RBM26: variants seen among roughly 807,000 people sequenced by gnomAD.
The protein encoded by RBM26 is RNA binding motif protein 26, also known as RNA-binding protein 26.
A neutral mutation model predicts 123.6 loss-of-function variants in RBM26; 30 were observed. That is an observed-to-expected ratio of 0.24 (90% CI 0.18 to 0.33). RBM26 has a LOEUF of 0.33. RBM26 is among the 10% of genes least tolerant of loss of function. RBM26 has a pLI of 1.00. For missense variants in RBM26, 947 were observed against 1,203.6 expected (o/e 0.79, Z 3.15); for synonymous variants, 400 against 404.4 (o/e 0.99, Z 0.13).
intron 14 of RBM26, among the ~76,000 whole-genome samples, chr13:79,351,016 AT>A (rs551021497): frequency 7.1e-4 from 108 of 152,266 alleles, no homozygotes; most frequent in East Asian, 2.3e-3. Flanking sequence ...ACCATAAATG[AT>A]TTTTTTCCCA....
intron 20 of RBM26, among the ~76,000 whole-genome samples, chr13:79,333,455 A>G (rs1217748727): frequency 1.3e-5 from 2 of 152,258 alleles, no homozygotes; most frequent in Non-Finnish European, 2.9e-5. Flanking sequence ...GCTGGCAGAG[A>G]ACATTCACTA....
rs573412422 is a variant in RBM26, at chr13:79,331,929, A to C, written c.2820+2415T>G. Among the ~76,000 whole-genome samples the C allele has an allele frequency of 1.5e-4, 23 of 152,324 alleles. 1 individual carries two copies. Among genetic ancestry groups the C allele is most frequent in the Admixed American group, 4.6e-4 (7 of 15,306 alleles). ...ATCTTCTAGGTAACAAGGCAGAGTC[A>C]AACCATAAACCATCTTAACCTAAAG... On this transcript the variant is annotated intron_variant, in intron 20 of 21. Coordinates refer to ENST00000438737, the MANE Select transcript of RBM26 (RefSeq NM_001366735.2).
At chr13:79,403,090 CAAAAAAA>C (rs1214237865) in intron 1 of RBM26, among the ~76,000 whole-genome samples, 1 of 121,074 alleles carries the variant, frequency 8.3e-6, no homozygotes, top group Non-Finnish European at 1.8e-5. Flanking sequence ...AATGTTAAAG[CAAAAAAA>C]AAAAAAAATT....
intron 6 of RBM26, 116 bp from the exon 7 acceptor site, chr13:79,366,988 G>T: frequency 1.2e-6 from 1 of 856,572 alleles, no homozygotes; most frequent in Admixed American, 3.2e-5. Flanking sequence ...TTGGACAAAA[G>T]TATAATTAAC....
chr13:79,375,079 T>TATATATAAATATATTTATATG (rs2076531552), intron 3 of RBM26, among the ~76,000 whole-genome samples: 1 of 21,400 alleles, frequency 4.7e-5, no homozygotes, highest in Admixed American at 5.3e-4. Flanking sequence ...ATTTATATGA[T>TATATATAAATATATTTATATG]ATATATAAAT....
intron 4 of RBM26, 117 bp from the exon 5 acceptor site, chr13:79,371,279 G>A: frequency 1.2e-6 from 1 of 803,248 alleles, no homozygotes; most frequent in African/African-American, 1.7e-5. Context: ...CCTACCATCA[G>A]ACAACTGAAA....
In RBM26 at chr13:79,358,435, T is replaced by C. The variant is rs111239746; in HGVS notation, c.1530-2A>G. The C allele has an allele frequency of 6.2e-7, 1 of 1,605,344 alleles. No individual in the cohort carries two copies. Among genetic ancestry groups the C allele is most frequent in the South Asian group, 1.1e-5 (1 of 88,790 alleles). On this transcript the variant is annotated splice_acceptor_variant, in intron 10 of 21. Transcript: ENST00000438737. LOFTEE classifies it high-confidence loss of function. ...CTGTTTGTTCTATTAAAATTTGGTC[T>C]GCAAACAAAATTCAAGTTAGTCAAT...
intron 21 of RBM26, among the ~76,000 whole-genome samples, chr13:79,321,671 T>C (rs191094552): frequency 8.6e-5 from 13 of 151,506 alleles, no homozygotes; most frequent in Admixed American, 2.0e-4. Flanking sequence ...CTCTCAATTA[T>C]ATTACCAGCT....
chr13:79,314,173 C>T (rs910926044), downstream of RBM26: 2 of 151,664 alleles, frequency 1.3e-5, no homozygotes, highest in African/African-American at 4.8e-5. Flanking sequence ...TTTGGACATA[C>T]ACTTCTTAAA....
At chr13:79,351,113 C>T (rs2073150889) in intron 14 of RBM26, among the ~76,000 whole-genome samples, 1 of 152,046 alleles carries the variant, frequency 6.6e-6, no homozygotes, top group South Asian at 2.1e-4. Context: ...ATATTATCAA[C>T]TACAAATTTG....
intron 3 of RBM26, among the ~76,000 whole-genome samples, chr13:79,374,806 C>T (rs1049916286): frequency 2.6e-5 from 4 of 151,786 alleles, no homozygotes; most frequent in East Asian, 1.9e-4. Flanking sequence ...GCATTTTAAA[C>T]GTAGATTGCC....
chr13:79,366,085 G>T lies in RBM26; in HGVS notation c.1246C>A (p.Pro416Thr), dbSNP rs143505765. ...VVTTGIHHQP[P>T]PAPPSLFTAD... The stretch of plus-strand genomic sequence containing the variant: ...GTAAAAAGAGAGGGTGGAGCAGGAG[G>T]AGGCTGGTGATGAATGCCAGTTGTT... Residue 416 changes from proline (P) to threonine (T), a missense_variant, in exon 8 of 22, where the codon CCT (proline) becomes ACT (threonine). Pro to Thr is a conservative substitution (Grantham distance 38). Transcript: ENST00000438737. The T allele has an allele frequency of 6.2e-7, 1 of 1,614,000 alleles. No homozygotes were observed. The highest frequency in any genetic ancestry group is 1.3e-5 in the African/African-American group (1 of 74,926).
At chr13:79,312,765 T>C (rs1328932960) in exon 5 of RBM26, 1 of 37,872 alleles carries the variant, frequency 2.6e-5, no homozygotes, top group African/African-American at 1.3e-4. Flanking sequence ...CTGGGCTCTC[T>C]ATCTGACTCA....
intron 14 of RBM26, among the ~76,000 whole-genome samples, chr13:79,345,136 G>A (rs1389116675): frequency 6.6e-6 from 1 of 152,132 alleles, no homozygotes; most frequent in Non-Finnish European, 1.5e-5. Flanking sequence ...GACTAAAGCA[G>A]AAGCCACACT....
intron 9 of RBM26, among the ~76,000 whole-genome samples, chr13:79,361,409 A>G (rs997133892): frequency 3.3e-5 from 5 of 152,112 alleles, no homozygotes; most frequent in African/African-American, 4.8e-5. Context: ...CTTTAGCAAC[A>G]ACATCTCTCT....
At chr13:79,394,568 A>C (rs2078391086) in intron 1 of RBM26, among the ~76,000 whole-genome samples, 1 of 152,210 alleles carries the variant, frequency 6.6e-6, no homozygotes, top group Admixed American at 6.5e-5. Flanking sequence ...CTCAACATGC[A>C]TCAAGACCTT....
chr13:79,373,471 TAAATATAC>T (rs2076290376), intron 3 of RBM26, among the ~76,000 whole-genome samples: 5 of 1,254 alleles, frequency 4.0e-3, no homozygotes, highest in Non-Finnish European at 0.011. Flanking sequence ...ATAATATGTA[TAAATATAC>T]AAATATATAT....
intron 3 of RBM26, among the ~76,000 whole-genome samples, chr13:79,373,700 T>TA (rs1467929514): frequency 3.3e-5 from 1 of 30,008 alleles, no homozygotes; most frequent in East Asian, 4.1e-4. Flanking sequence ...TATATAATAT[T>TA]TTATATATAT....
chr13:79,351,887 G>A (rs2073291666), intron 14 of RBM26, among the ~76,000 whole-genome samples: 1 of 152,148 alleles, frequency 6.6e-6, no homozygotes, highest in Non-Finnish European at 1.5e-5. Context: ...CAGGATGCCA[G>A]TTAAGACACT....
Sources: allele counts gnomAD v4.1 joint callset (sites outside exome capture counted in the v4.1 genomes callset), GRCh38; gene constraint gnomAD v4.1.1; transcripts MANE v1.5; gene names NCBI Gene and HGNC (gene_info 2026-07-23, HGNC 2026-07-21).